Variants in COQ8A observed in about 807,000 individuals in gnomAD.
COQ8A encodes coenzyme Q8A.
In COQ8A, 51 loss-of-function variants were observed where a neutral mutation model predicts 65.0. The ratio of observed to expected loss-of-function variants is 0.78; its 90% CI spans 0.63 to 0.99. The LOEUF is 0.99. Among genes scored for constraint, COQ8A ranks in the 50% least tolerant of loss-of-function variants. The pLI is 0.00. For missense variants in COQ8A, 940 were observed against 875.0 expected (o/e 1.07, Z -0.94); for synonymous variants, 371 against 353.2 (o/e 1.05, Z -0.57).
intron 2 of COQ8A, 117 bp downstream of exon 2, chr1:226,961,679 G>A (rs1431698315): frequency 2.4e-6 from 3 of 1,275,882 alleles, no homozygotes; most frequent in Non-Finnish European, 2.1e-6. Flanking sequence ...GGGCCTGAGG[G>A]CCCACCAGCT....
intron 1 of COQ8A, among the ~76,000 whole-genome samples, chr1:226,948,544 C>T (rs1657184868): frequency 6.6e-6 from 1 of 152,244 alleles, no homozygotes; most frequent in African/African-American, 2.4e-5. Context: ...GATTTAAAGA[C>T]AACCCTGTAA....
chr1:226,983,863 C>G lies in COQ8A; in HGVS notation c.1256+9C>G. Reference sequence around the variant, plus strand: ...TGTGCCCGCAAGTTCAGGTGTGGCCCCCGGCCGGGCCCCTTGCGTGTTTGC... The same window carrying G: ...TGTGCCCGCAAGTTCAGGTGTGGCCGCCGGCCGGGCCCCTTGCGTGTTTGC... On this transcript the variant is annotated intron_variant, in intron 10 of 14. Coordinates refer to ENST00000366777, the MANE Select transcript of COQ8A (RefSeq NM_020247.5). 6.3e-7 allele frequency: 1 copy of G among 1,598,468 alleles called. No homozygotes were observed. Among genetic ancestry groups the G allele is most frequent in the Non-Finnish European group, 8.5e-7 (1 of 1,174,390 alleles).
At chr1:226,956,859 T>C (rs1431038551) in intron 1 of COQ8A, among the ~76,000 whole-genome samples, 2 of 107,414 alleles carry the variant, frequency 1.9e-5, no homozygotes, top group African/African-American at 3.7e-5. Flanking sequence ...CTCTCCCTGG[T>C]TCACACTCTC....
intron 2 of COQ8A, among the ~76,000 whole-genome samples, chr1:226,962,373 T>G (rs1305878395): frequency 6.6e-6 from 1 of 152,124 alleles, no homozygotes; most frequent in African/African-American, 2.4e-5. Flanking sequence ...TGATTTTCAG[T>G]GAAATCGTGT....
rs1007967042 is a variant in COQ8A at position 226,964,993 on chromosome 1, C to T, written c.178-7C>T. Reference sequence around the variant, plus strand: ...GCTCTCCTAATGCTGGCCTTTGCTCCCTGCAGGGTCAGGATAAACATGAAG... The same window carrying T: ...GCTCTCCTAATGCTGGCCTTTGCTCTCTGCAGGGTCAGGATAAACATGAAG... On this transcript the variant is annotated splice_polypyrimidine_tract_variant and splice_region_variant and intron_variant, in intron 2 of 14. Transcript: ENST00000366777. 6.2e-7 allele frequency: 1 copy of T among 1,613,648 alleles called. No homozygotes were observed. The highest frequency in any genetic ancestry group is 1.7e-5 in the Admixed American group (1 of 60,002).
In COQ8A at chr1:226,945,575, C is replaced by T. The variant is rs146644509; in HGVS notation, c.-10+5176C>T. Among the ~76,000 whole-genome samples, 154 of 152,290 alleles carry T rather than the reference C, an allele frequency of 1.0e-3. 1 individual carries two copies. Among genetic ancestry groups the T allele is most frequent in the African/African-American group, 3.5e-3 (144 of 41,566 alleles). On this transcript the variant is annotated intron_variant, in intron 1 of 14. Coordinates refer to ENST00000366777, the MANE Select transcript of COQ8A (RefSeq NM_020247.5). ...CTTGAGCAAACATCTCTAATCTTCC[C>T]GAGATTGAAAAAATCCTGTGGCTCT...
chr1:226,978,402 C>T (rs1160108901), intron 5 of COQ8A, among the ~76,000 whole-genome samples: 1 of 143,314 alleles, frequency 7.0e-6, no homozygotes, highest in Non-Finnish European at 1.5e-5. Context: ...CAAACACCCG[C>T]ACACCTTGCA....
At chr1:226,982,216 C>G in intron 6 of COQ8A, 67 bp downstream of exon 6, 1 of 1,532,734 alleles carries the variant, frequency 6.5e-7, no homozygotes, top group East Asian at 2.5e-5. Flanking sequence ...CTTCCAGGGC[C>G]GGGAGCAGTG....
chr1:226,961,699 C>CA, intron 2 of COQ8A, 137 bp downstream of exon 2: 1 of 1,095,642 alleles, frequency 9.1e-7, no homozygotes, highest in Non-Finnish European at 1.3e-6. Flanking sequence ...TAATGTGTCC[C>CA]ACGGTCCTTC....
intron 4 of COQ8A, among the ~76,000 whole-genome samples, chr1:226,967,650 TAG>T (rs1658646459): frequency 6.6e-6 from 1 of 152,138 alleles, no homozygotes; most frequent in African/African-American, 2.4e-5. Context: ...AAGAAAAAGG[TAG>T]AGAGCTCTCC....
chr1:226,986,774 T>G lies in COQ8A; in HGVS notation c.*37T>G, dbSNP rs773718246. On this transcript the variant is annotated 3_prime_UTR_variant, in exon 15 of 15. Coordinates refer to ENST00000366777, the MANE Select transcript of COQ8A (RefSeq NM_020247.5). ...ACGCCCAGGCCGGCTCCGCGGGAAC[T>G]CTCTCCCTCAGACAGGCCAAAAACC... 3.7e-6 allele frequency: 6 copies of G among 1,600,892 alleles called. No homozygotes were observed. Among genetic ancestry groups the G allele is most frequent in the Admixed American group, 1.7e-5 (1 of 58,888 alleles).
In COQ8A at chr1:226,946,483, C is replaced by T. The variant is rs541515027; in HGVS notation, c.-10+6084C>T. On this transcript the variant is annotated intron_variant, in intron 1 of 14. Transcript: ENST00000366777. The surrounding 1 kb of genome is among the most constrained non-coding windows in gnomAD (Gnocchi z 5.3). Reference sequence around the variant, plus strand: ...GGTATCGCTGCAGAGGTGTCTGGGGCTCCACAGTGAAGGGCCTTGCTGGCC... The same window carrying T: ...GGTATCGCTGCAGAGGTGTCTGGGGTTCCACAGTGAAGGGCCTTGCTGGCC... Among the ~76,000 whole-genome samples the T allele has an allele frequency of 1.3e-5, 2 of 152,206 alleles. No homozygotes were observed. The highest frequency in any genetic ancestry group is 2.1e-4 in the South Asian group (1 of 4,820).
intron 4 of COQ8A, among the ~76,000 whole-genome samples, chr1:226,968,207 T>C (rs534031566): frequency 6.6e-6 from 1 of 152,058 alleles, no homozygotes; most frequent in Non-Finnish European, 1.5e-5. Context: ...TGGTGGCATG[T>C]GACTGTAATC....
chr1:226,955,643 CTCTCCCTGGTTCCCAT>C (rs1231856859), intron 1 of COQ8A, among the ~76,000 whole-genome samples: 3 of 134,856 alleles, frequency 2.2e-5, no homozygotes, highest in African/African-American at 9.2e-5. Context: ...CTGGCTCCCA[CTCTCCCTGGTTCCCAT>C]TCTCCCTGGT....
chr1:226,945,536 C>T (rs1656985103), intron 1 of COQ8A, among the ~76,000 whole-genome samples: 1 of 152,216 alleles, frequency 6.6e-6, no homozygotes, highest in Non-Finnish European at 1.5e-5. Context: ...AAGGTGGTTA[C>T]TGTTTGACAC....
chr1:226,947,425 G>A (rs1459701599), intron 1 of COQ8A, among the ~76,000 whole-genome samples: 2 of 152,094 alleles, frequency 1.3e-5, no homozygotes, highest in East Asian at 1.9e-4. Context: ...GCAGACAGAG[G>A]GGAATAATAA....
At chr1:226,958,553 G>A (rs959850330) in intron 1 of COQ8A, among the ~76,000 whole-genome samples, 1 of 152,208 alleles carries the variant, frequency 6.6e-6, no homozygotes, top group Non-Finnish European at 1.5e-5. Flanking sequence ...CTGGGCCAGG[G>A]CAGGTTCATC....
intron 1 of COQ8A, chr1:226,958,041 A>G (rs1657917627): frequency 1.3e-5 from 2 of 152,258 alleles, no homozygotes; most frequent in East Asian, 1.9e-4. Flanking sequence ...AGACACTTCA[A>G]TAAAGACATT....
Position 226,984,625 on chromosome 1 carries a change from C to T in COQ8A, c.1476C>T (p.Ser492=). Reference sequence around the variant, plus strand: ...TCATGCAAACAGACCCCAACTGGTCCAACTTCTTCTATGACCCCCAGCAGC... The same window carrying T: ...TCATGCAAACAGACCCCAACTGGTCTAACTTCTTCTATGACCCCCAGCAGC... ...FHFMQTDPNW[S]NFFYDPQQHK... Residue 492 remains serine (S), a synonymous_variant, in exon 12 of 15, where the codon TCC becomes TCT. Transcript: ENST00000366777. 6.2e-7 allele frequency: 1 copy of T among 1,614,170 alleles called. No individual in the cohort carries two copies. Among genetic ancestry groups the T allele is most frequent in the Non-Finnish European group, 8.5e-7 (1 of 1,180,010 alleles).
Sources: allele counts gnomAD v4.1 joint callset (sites outside exome capture counted in the v4.1 genomes callset), GRCh38; gene constraint gnomAD v4.1.1; non-coding constraint Gnocchi (gnomAD v3.1); transcripts MANE v1.5; gene names NCBI Gene and HGNC (gene_info 2026-07-23, HGNC 2026-07-21).